The following PCDH15 variants were observed in gnomAD, a reference collection of about 807,000 sequenced individuals.
PCDH15 encodes protocadherin-15.
Under a neutral mutation model 178.5 loss-of-function variants are expected in PCDH15, and 129 were observed. That is an observed-to-expected ratio of 0.72 (90% CI 0.63 to 0.84). PCDH15 has a LOEUF of 0.84. Ranked by LOEUF, PCDH15 falls within the 40% of genes least tolerant of loss-of-function variation. PCDH15 has a pLI of 0.00. For missense variants in PCDH15, 2,230 were observed against 2,099.9 expected (o/e 1.06, Z -1.21); for synonymous variants, 800 against 732.0 (o/e 1.09, Z -1.50).
intron 3 of PCDH15, among the ~76,000 whole-genome samples, chr10:54,431,475 C>T (rs965612197): frequency 6.6e-6 from 1 of 152,078 alleles, no homozygotes; most frequent in Non-Finnish European, 1.5e-5. Context: ...CAGTGTGATA[C>T]AGCATATCAA....
intron 18 of PCDH15, among the ~76,000 whole-genome samples, chr10:54,038,503 G>T (rs999270409): frequency 3.3e-5 from 5 of 151,874 alleles, no homozygotes; most frequent in African/African-American, 1.2e-4. Context: ...GGAAGGAGCT[G>T]CAGAATTGCA....
chr10:55,022,036 T>C (rs1252832850), intron 2 of PCDH15, among the ~76,000 whole-genome samples: 1 of 152,090 alleles, frequency 6.6e-6, no homozygotes, highest in East Asian at 1.9e-4. Context: ...CTGGGGTGGT[T>C]AGTGGGGCAG....
At chr10:54,065,237 A>G (rs17711275) in intron 18 of PCDH15, among the ~76,000 whole-genome samples, 31,504 of 152,126 alleles carry the variant, frequency 0.21, 3,480 homozygotes, top group Non-Finnish European at 0.25. Flanking sequence ...GAACTGGACA[A>G]TTAAAACTAT....
At chr10:55,257,605 C>G (rs1332554217) in intron 1 of PCDH15, among the ~76,000 whole-genome samples, 1 of 152,162 alleles carries the variant, frequency 6.6e-6, no homozygotes, top group South Asian at 2.1e-4. Context: ...ATTCAATCAA[C>G]TGGAAGAAAA....
At chr10:54,006,962 C>T (rs1589875598) in intron 20 of PCDH15, among the ~76,000 whole-genome samples, 1 of 152,298 alleles carries the variant, frequency 6.6e-6, no homozygotes, top group East Asian at 1.9e-4. Context: ...GTCTCCCTCT[C>T]TCCTACTCCC....
intron 1 of PCDH15, among the ~76,000 whole-genome samples, chr10:54,713,822 T>A (rs1160414719): frequency 2.6e-5 from 4 of 152,182 alleles, no homozygotes; most frequent in East Asian, 1.9e-4. Context: ...AGGCAAAACA[T>A]GTTTTATCAA....
At chr10:55,002,277 T>G (rs1256557683) in intron 2 of PCDH15, among the ~76,000 whole-genome samples, 1 of 152,244 alleles carries the variant, frequency 6.6e-6, no homozygotes, top group Non-Finnish European at 1.5e-5. Context: ...TATTCTTCCT[T>G]TGTCCTTGTT....
chr10:55,124,331 A>G (rs1837846143), intron 2 of PCDH15, among the ~76,000 whole-genome samples: 1 of 152,182 alleles, frequency 6.6e-6, no homozygotes, highest in Admixed American at 6.6e-5. Context: ...TATGTCAGCT[A>G]TTTGCTGGTT....
At chr10:55,573,441 T>C (rs1260694300) in intron 2 of PCDH15, among the ~76,000 whole-genome samples, 1 of 152,120 alleles carries the variant, frequency 6.6e-6, no homozygotes, top group African/African-American at 2.4e-5. Flanking sequence ...CTCAACATTG[T>C]AGTTTAAACG....
intron 2 of PCDH15, among the ~76,000 whole-genome samples, chr10:55,369,548 T>G (rs1233465488): frequency 6.6e-6 from 1 of 152,074 alleles, no homozygotes; most frequent in Non-Finnish European, 1.5e-5. Flanking sequence ...ATAAATTAAA[T>G]GCACCAGACT....
chr10:53,830,332 A>G (rs932261283), intron 30 of PCDH15, among the ~76,000 whole-genome samples: 1 of 151,984 alleles, frequency 6.6e-6, no homozygotes, highest in African/African-American at 2.4e-5. Context: ...TAAAGAATAC[A>G]TAAGAACTAT....
intron 2 of PCDH15, among the ~76,000 whole-genome samples, chr10:55,570,999 G>A (rs1170514499): frequency 6.6e-6 from 1 of 151,952 alleles, no homozygotes; most frequent in Non-Finnish European, 1.5e-5. Flanking sequence ...ATATAGTTTG[G>A]ATGTTTTCTC....
intron 2 of PCDH15, among the ~76,000 whole-genome samples, chr10:54,978,619 C>T (rs1839136163): frequency 6.6e-6 from 1 of 152,014 alleles, no homozygotes; most frequent in African/African-American, 2.4e-5. Flanking sequence ...GGGTCTATCT[C>T]TCTGTTTTCC....
At chr10:54,607,901 A>T (rs1262049804) in intron 2 of PCDH15, 1 of 526,766 alleles carries the variant, frequency 1.9e-6, no homozygotes, top group Admixed American at 2.0e-5. Flanking sequence ...AAGTAATTAC[A>T]GTTTTTGTCT....
At chr10:55,533,556 C>T (rs1421740472) in intron 2 of PCDH15, among the ~76,000 whole-genome samples, 3 of 151,898 alleles carry the variant, frequency 2.0e-5, no homozygotes, top group Non-Finnish European at 4.4e-5. Context: ...AACTATAAAA[C>T]ATTGATGAAA....
At chr10:55,022,242 C>T (rs981003250) in intron 2 of PCDH15, among the ~76,000 whole-genome samples, 17 of 152,018 alleles carry the variant, frequency 1.1e-4, no homozygotes, top group Non-Finnish European at 2.1e-4. Context: ...CACTTGAGAT[C>T]AGGAGTTCAA....
At chr10:54,308,526 T>C (rs1411960017) in intron 8 of PCDH15, among the ~76,000 whole-genome samples, 1 of 152,108 alleles carries the variant, frequency 6.6e-6, no homozygotes, top group Non-Finnish European at 1.5e-5. Flanking sequence ...TTATCTATAA[T>C]TGGTGCTATG....
chr10:54,151,084 T>G (rs1214888857), intron 14 of PCDH15, among the ~76,000 whole-genome samples: 2 of 152,146 alleles, frequency 1.3e-5, no homozygotes, highest in African/African-American at 4.8e-5. Context: ...CCATTACTAT[T>G]TTAAAAAGTC....
At chr10:55,311,591 A>G (rs544553808) in intron 1 of PCDH15, among the ~76,000 whole-genome samples, 1 of 152,342 alleles carries the variant, frequency 6.6e-6, no homozygotes, top group East Asian at 1.9e-4. Flanking sequence ...GCACCTTAGT[A>G]GAATATTCAT....
Sources: allele counts gnomAD v4.1 joint callset (sites outside exome capture counted in the v4.1 genomes callset), GRCh38; gene constraint gnomAD v4.1.1; transcripts MANE v1.5; gene names NCBI Gene and HGNC (gene_info 2026-07-23, HGNC 2026-07-21).